ELF2: variants seen among roughly 807,000 people sequenced by gnomAD.
ELF2 encodes the protein E74 like ETS transcription factor 2, also known as ETS-related transcription factor Elf-2.
Under a neutral mutation model 54.8 loss-of-function variants are expected in ELF2, and 11 were observed. The observed-to-expected ratio is 0.20, with a 90% CI of 0.13 to 0.33. The LOEUF (loss-of-function observed/expected upper bound fraction) is 0.33. Among genes scored for constraint, ELF2 ranks in the 10% least tolerant of loss-of-function variants. The probability of loss-of-function intolerance (pLI) is 1.00; values close to 1 mark genes in which losing one functional copy is unlikely to be tolerated. For synonymous variants in ELF2, 203 were observed against 245.1 expected, an observed-to-expected ratio of 0.83 and a Z score of 1.61; for missense variants, 513 against 703.0, an observed-to-expected ratio of 0.73 and a Z score of 3.06.
At chr4:139,111,324 C>T (rs979052849) in intron 4 of ELF2, among the ~76,000 whole-genome samples, 4 of 151,920 alleles carry the variant, frequency 2.6e-5, no homozygotes, top group Non-Finnish European at 4.4e-5. Flanking sequence ...TATTAACTTA[C>T]GCTGTCTAGT....
At position 139,073,548 on chromosome 4, in the gene ELF2, G is replaced by T; in HGVS notation, c.258C>A (p.Ser86Arg). The stretch of plus-strand genomic sequence containing the variant: ...TCTTATCTGTACAGTGTGCATTACT[G>T]CTGTGAACTGATGCTTCCACTGGAG... ...NVETVEASVH[S>R]SNAHCTDKTI... is the part of the protein sequence containing the mutation. The change falls in exon 5 of 10, where the codon AGC (serine) becomes AGA (arginine). Residue 86 changes from serine to arginine, a missense_variant. By Grantham distance (110) the Ser-to-Arg change is moderately radical. Transcript: ENST00000686138. The T allele has an allele frequency of 1.3e-6, 2 of 1,557,616 alleles. No individual in the cohort carries two copies. Among genetic ancestry groups the T allele is most frequent in the East Asian group, 2.3e-5 (1 of 43,594 alleles).
At chr4:139,080,328 T>C (rs1020242856) in intron 4 of ELF2, among the ~76,000 whole-genome samples, 7 of 152,194 alleles carry the variant, frequency 4.6e-5, no homozygotes, top group African/African-American at 1.4e-4. Flanking sequence ...ATTCCTTGAG[T>C]TTCATTTTAA....
chr4:139,173,079 G>A (rs1742488263), intron 1 of ELF2, among the ~76,000 whole-genome samples: 1 of 152,020 alleles, frequency 6.6e-6, no homozygotes, highest in Non-Finnish European at 1.5e-5. Flanking sequence ...AAAAGCAAAT[G>A]GATTAAGACA....
chr4:139,143,944 T>C (rs144318312), intron 1 of ELF2, among the ~76,000 whole-genome samples: 1 of 152,020 alleles, frequency 6.6e-6, no homozygotes, highest in African/African-American at 2.4e-5. Flanking sequence ...AAAATTTAAA[T>C]TTTAATTAAA....
chr4:139,127,612 G>A (rs771171959), intron 3 of ELF2, among the ~76,000 whole-genome samples: 35 of 152,092 alleles, frequency 2.3e-4, no homozygotes, highest in African/African-American at 7.5e-4. Flanking sequence ...TCTGGAAACA[G>A]CGCCCAGCCG....
chr4:139,065,804 A>T (rs1439889665), intron 7 of ELF2, among the ~76,000 whole-genome samples: 2 of 152,206 alleles, frequency 1.3e-5, no homozygotes, highest in Non-Finnish European at 1.5e-5. Flanking sequence ...AGAATTATTT[A>T]AAAAGACAAC....
intron 4 of ELF2, among the ~76,000 whole-genome samples, chr4:139,114,164 ATT>A (rs1735278101): frequency 1.3e-5 from 2 of 152,038 alleles, no homozygotes; most frequent in South Asian, 4.1e-4. Flanking sequence ...ATTAAAATAG[ATT>A]TTCTTTTTCT....
At chr4:139,150,574 C>A (rs1485865870) in intron 1 of ELF2, among the ~76,000 whole-genome samples, 2 of 151,042 alleles carry the variant, frequency 1.3e-5, no homozygotes, top group African/African-American at 2.4e-5. Context: ...TCAGCCAAGA[C>A]CCTCCTCAAG....
chr4:139,076,006 G>T (rs983667569), intron 4 of ELF2, among the ~76,000 whole-genome samples: 1 of 151,988 alleles, frequency 6.6e-6, no homozygotes, highest in Non-Finnish European at 1.5e-5. Flanking sequence ...ATACACTAAC[G>T]ATATGAATCT....
intron 4 of ELF2, among the ~76,000 whole-genome samples, chr4:139,087,490 G>A (rs542880712): frequency 6.6e-6 from 1 of 152,302 alleles, no homozygotes; most frequent in South Asian, 2.1e-4. Flanking sequence ...TTTTGAGACA[G>A]AGTCTCGCTC....
At chr4:139,125,598 T>C (rs1736835454) in intron 3 of ELF2, among the ~76,000 whole-genome samples, 1 of 152,082 alleles carries the variant, frequency 6.6e-6, no homozygotes, top group African/African-American at 2.4e-5. Context: ...ATAATTTCAC[T>C]TAATTATGAA....
chr4:139,077,588 G>C (rs1578718002), intron 4 of ELF2, among the ~76,000 whole-genome samples: 1 of 151,950 alleles, frequency 6.6e-6, no homozygotes, highest in East Asian at 1.9e-4. Context: ...TTTTATTTTT[G>C]TTTACATAAG....
At chr4:139,175,609 C>T (rs2148925354) in intron 1 of ELF2, among the ~76,000 whole-genome samples, 1 of 152,332 alleles carries the variant, frequency 6.6e-6, no homozygotes, top group African/African-American at 2.4e-5. Flanking sequence ...CTTAGTAAAG[C>T]ATACATCCTT....
intron 1 of ELF2, among the ~76,000 whole-genome samples, chr4:139,156,439 A>G (rs1307004183): frequency 6.6e-6 from 1 of 152,116 alleles, no homozygotes; most frequent in African/African-American, 2.4e-5. Context: ...TTGGCCTCCC[A>G]AAGTGCTGGG....
At chr4:139,063,044 G>T (rs1678350569) in intron 7 of ELF2, among the ~76,000 whole-genome samples, 1 of 152,112 alleles carries the variant, frequency 6.6e-6, no homozygotes, top group Admixed American at 6.5e-5. Context: ...TATCACGTGA[G>T]GTCAGGAGTT....
intron 3 of ELF2, 109 bp from the exon 4 acceptor site, chr4:139,125,438 AAAT>A: frequency 8.1e-7 from 1 of 1,239,788 alleles, no homozygotes; most frequent in Non-Finnish European, 1.1e-6. Flanking sequence ...AATGAGTTTC[AAAT>A]ATTATAAATA....
At chr4:139,157,044 A>G (rs1252197779) in intron 1 of ELF2, among the ~76,000 whole-genome samples, 1 of 152,236 alleles carries the variant, frequency 6.6e-6, no homozygotes, top group Non-Finnish European at 1.5e-5. Context: ...AATTTTGGAC[A>G]TAAGGATTTT....
intron 4 of ELF2, chr4:139,084,450 C>CGGCGGCGGCGGCTGTGGCTGT: frequency 1.7e-6 from 2 of 1,147,150 alleles, no homozygotes; most frequent in African/African-American, 3.3e-5. Flanking sequence ...GCGGCGGCGG[C>CGGCGGCGGCGGCTGTGGCTGT]GGCGGCGGCG....
In ELF2 at chr4:139,060,448, G is replaced by C; in HGVS notation, c.1033C>G (p.Pro345Ala). 1 of 1,614,138 alleles carries C rather than the reference G, an allele frequency of 6.2e-7. No homozygotes were observed. Among genetic ancestry groups the C allele is most frequent in the East Asian group, 2.2e-5 (1 of 44,876 alleles). ...SSVRSGKNSSPINCSRAEKGV... is the reference protein window; with the variant it reads ...SSVRSGKNSSAINCSRAEKGV... ...TTCTCTGCTCTGGAGCAGTTTATAG[G>C]GGATGAATTTTTTCCACTGCGAACA... The change falls in exon 9 of 10, where the codon CCT becomes GCT. Residue 345 changes from proline (P) to alanine (A), a missense_variant. Pro to Ala is a conservative substitution (Grantham distance 27, BLOSUM62 -1). This residue lies in a region of ELF2 where 291 missense variants were observed against 366.1 expected (regional missense o/e 0.79). Transcript: ENST00000686138.
Sources: allele counts gnomAD v4.1 joint callset (sites outside exome capture counted in the v4.1 genomes callset), GRCh38; gene constraint gnomAD v4.1.1; regional missense constraint gnomAD v4.1.1; transcripts MANE v1.5; gene names NCBI Gene and HGNC (gene_info 2026-07-23, HGNC 2026-07-21).